The following FNBP4 variants were observed in gnomAD, a reference collection of about 807,000 sequenced individuals.
FNBP4 encodes formin binding protein 4.
Under a neutral mutation model 119.3 loss-of-function variants are expected in FNBP4, and 34 were observed. That is an observed-to-expected ratio of 0.28 (90% CI 0.22 to 0.38). The LOEUF (loss-of-function observed/expected upper bound fraction) is 0.38. FNBP4 is among the 10% of genes least tolerant of loss of function. The pLI, the probability that FNBP4 is intolerant of heterozygous loss-of-function variation, is 1.00. For synonymous variants in FNBP4, 462 were observed against 430.6 expected (o/e 1.07, Z -0.90); for missense variants, 1,112 against 1,228.9 (o/e 0.90, Z 1.42).
chr11:47,751,322 C>A lies in FNBP4; in HGVS notation c.638-32G>T, dbSNP rs758469994. ...GATAAAACAAATTTTAAGCACAAAT[C>A]CCTCTACAATTCTGGCTTACATATA... On this transcript the variant is annotated intron_variant, in intron 4 of 16. Coordinates refer to ENST00000263773, the MANE Select transcript of FNBP4 (RefSeq NM_015308.5). The A allele has an allele frequency of 1.9e-6, 3 of 1,612,740 alleles. No individual in the cohort carries two copies. The South Asian group carries it at 3.3e-5, about 18-fold the overall frequency.
At chr11:47,718,336 C>T (rs2097551866) in intron 16 of FNBP4, among the ~76,000 whole-genome samples, 1 of 152,132 alleles carries the variant, frequency 6.6e-6, no homozygotes, top group Admixed American at 6.5e-5. Context: ...GCCTCAGCCT[C>T]CCAAGTGGCT....
rs548227935 is a variant in FNBP4 at position 47,724,762 on chromosome 11, T to C, written c.2025A>G (p.Glu675=). The part of the protein sequence containing the change: ...SETSTGSLCK[E]SFSGQVSSSS... Reference sequence around the variant, plus strand: ...AAGAAGAAACTTGACCAGAAAAGGATTCTTTACAAAGAGAACCTATGAAAA... The same window carrying C: ...AAGAAGAAACTTGACCAGAAAAGGACTCTTTACAAAGAGAACCTATGAAAA... The change falls in exon 13 of 17, where the codon GAA becomes GAG. Residue 675 remains glutamate, a synonymous_variant. Transcript: ENST00000263773. The C allele has an allele frequency of 6.4e-7, 1 of 1,559,290 alleles. No homozygotes were observed. Among genetic ancestry groups the C allele is most frequent in the East Asian group, 2.3e-5 (1 of 44,282 alleles).
At chr11:47,766,964 G>C in intron 1 of FNBP4, 105 bp downstream of exon 1, 1 of 1,395,836 alleles carries the variant, frequency 7.2e-7, no homozygotes, top group Non-Finnish European at 9.2e-7. Flanking sequence ...GGCAGGCCTC[G>C]GAAGCCGACC....
chr11:47,766,097 C>G (rs559519523), intron 1 of FNBP4, among the ~76,000 whole-genome samples: 1 of 151,938 alleles, frequency 6.6e-6, no homozygotes, highest in Non-Finnish European at 1.5e-5. Context: ...CTGTAATGAT[C>G]GCTTGAGCCC....
intron 2 of FNBP4, among the ~76,000 whole-genome samples, chr11:47,760,834 G>C (rs1254556673): frequency 6.6e-6 from 1 of 152,166 alleles, no homozygotes; most frequent in African/African-American, 2.4e-5. Context: ...ATAGTGTTGG[G>C]AGGCGGCAGC....
rs1192646062 is a variant in FNBP4 at position 47,765,304 on chromosome 11, G to A, written c.279C>T (p.Val93=). The A allele has an allele frequency of 1.2e-6, 2 of 1,612,376 alleles. No individual in the cohort carries two copies. The highest frequency in any genetic ancestry group is 1.7e-6 in the Non-Finnish European group (2 of 1,179,518). ...TAACAGCTGTGGGTCTAGTGGTCAT[G>A]ACTGGTTTTGGAGGATTCTGAACAA... The part of the protein sequence containing the change: ...PRVVQNPPKP[V]MTTRPTAVKA... Residue 93 remains valine (V), a synonymous_variant, in exon 2 of 17, where the codon GTC becomes GTT. Coordinates refer to ENST00000263773, the MANE Select transcript of FNBP4 (RefSeq NM_015308.5).
chr11:47,728,916 G>C (rs1457539935), intron 12 of FNBP4, among the ~76,000 whole-genome samples: 1 of 139,482 alleles, frequency 7.2e-6, no homozygotes, highest in African/African-American at 2.7e-5. Context: ...GCAATGGCAT[G>C]ATCTTGGTTC....
At chr11:47,765,417 A>G in intron 1 of FNBP4, 55 bp from the exon 2 acceptor site, 4 of 1,315,910 alleles carry the variant, frequency 3.0e-6, no homozygotes, top group Non-Finnish European at 4.3e-6. Flanking sequence ...AAGAAAAGAA[A>G]ACTGCAGTCA....
At chr11:47,753,373 G>A (rs539926948) in intron 3 of FNBP4, among the ~76,000 whole-genome samples, 2 of 152,248 alleles carry the variant, frequency 1.3e-5, no homozygotes, top group African/African-American at 4.8e-5. Flanking sequence ...CATTCTGGGC[G>A]GCCAAGGCGG....
chr11:47,750,824 A>G (rs1198005241), intron 6 of FNBP4, 92 bp downstream of exon 6: 4 of 1,349,782 alleles, frequency 3.0e-6, no homozygotes, highest in East Asian at 4.6e-5. Context: ...CATGTATGAC[A>G]TAAAATATTA....
At chr11:47,759,690 T>C (rs1007022613) in intron 2 of FNBP4, among the ~76,000 whole-genome samples, 7 of 151,900 alleles carry the variant, frequency 4.6e-5, no homozygotes, top group Non-Finnish European at 1.0e-4. Context: ...CGGTGGCTCA[T>C]GCCTGTAATC....
intron 9 of FNBP4, among the ~76,000 whole-genome samples, chr11:47,735,047 T>G (rs2097572300): frequency 6.8e-6 from 1 of 146,556 alleles, no homozygotes; most frequent in South Asian, 2.1e-4. Flanking sequence ...TACCTGAAAT[T>G]TGTTAAGAGT....
At chr11:47,735,787 A>C (rs2097573126) in intron 9 of FNBP4, among the ~76,000 whole-genome samples, 1 of 151,746 alleles carries the variant, frequency 6.6e-6, no homozygotes, top group Non-Finnish European at 1.5e-5. Context: ...AATGGCATTA[A>C]AAAAAAATGG....
intron 15 of FNBP4, 70 bp downstream of exon 15, chr11:47,722,906 T>G (rs2097557411): frequency 2.1e-6 from 3 of 1,418,080 alleles, no homozygotes; most frequent in Non-Finnish European, 2.8e-6. Flanking sequence ...ATGGATAATT[T>G]CATGTTATGT....
In FNBP4 at chr11:47,736,426, C is replaced by T. The variant is rs931920757; in HGVS notation, c.1581+190G>A. 8.1e-5 allele frequency among the ~76,000 whole-genome samples: 12 copies of T among 148,716 alleles called. No individual in the cohort carries two copies. In the East Asian group the frequency reaches 1.0e-3, roughly 13 times the overall value. On this transcript the variant is annotated intron_variant, in intron 9 of 16. Transcript: ENST00000263773. ...CAAAAATTAGCTGGGAGTTGAGGTGCGTGCCTGTAATCCCAGCTACTGGGG... is the reference window on the plus strand; with the variant it reads ...CAAAAATTAGCTGGGAGTTGAGGTGTGTGCCTGTAATCCCAGCTACTGGGG...
intron 6 of FNBP4, among the ~76,000 whole-genome samples, chr11:47,747,691 TG>T (rs954626016): frequency 1.6e-4 from 24 of 152,120 alleles, no homozygotes; most frequent in Admixed American, 1.4e-3. Context: ...GGCTCATGCC[TG>T]TAATTCCAGC....
At chr11:47,739,975 T>A (rs2097579584) in intron 8 of FNBP4, among the ~76,000 whole-genome samples, 1 of 130,842 alleles carries the variant, frequency 7.6e-6, no homozygotes, top group Admixed American at 7.9e-5. Context: ...TTTGTTTGTT[T>A]GTTTAGTAGA....
intron 2 of FNBP4, among the ~76,000 whole-genome samples, chr11:47,764,611 G>T (rs2097642864): frequency 6.6e-6 from 1 of 151,198 alleles, no homozygotes; most frequent in Non-Finnish European, 1.5e-5. Flanking sequence ...AAAGTATTCT[G>T]AACTGAAAAG....
At chr11:47,757,345 G>C (rs1226156223) in intron 2 of FNBP4, among the ~76,000 whole-genome samples, 1 of 152,138 alleles carries the variant, frequency 6.6e-6, no homozygotes, top group Non-Finnish European at 1.5e-5. Flanking sequence ...CTCCTGAGTA[G>C]CTGGGACTAC....
Sources: allele counts gnomAD v4.1 joint callset (sites outside exome capture counted in the v4.1 genomes callset), GRCh38; gene constraint gnomAD v4.1.1; transcripts MANE v1.5; gene names NCBI Gene and HGNC (gene_info 2026-07-23, HGNC 2026-07-21).